The following ADGRB3 variants were observed in gnomAD, a reference collection of about 807,000 sequenced individuals.
ADGRB3 encodes the protein adhesion G protein-coupled receptor B3, also known as brain-specific angiogenesis inhibitor 3.
In ADGRB3, 37 loss-of-function variants were observed where a neutral mutation model predicts 193.4. The observed-to-expected ratio is 0.19, with a 90% CI of 0.15 to 0.25. ADGRB3 has a LOEUF of 0.25. ADGRB3 is among the 10% of genes least tolerant of loss of function. The pLI, the probability that ADGRB3 is intolerant of heterozygous loss-of-function variation, is 1.00. For missense variants in ADGRB3, 1,637 were observed against 1,852.9 expected, an observed-to-expected ratio of 0.88 and a Z score of 2.14; for synonymous variants, 690 against 644.2, an observed-to-expected ratio of 1.07 and a Z score of -1.08.
chr6:68,688,432 A>G (rs992153593), intron 3 of ADGRB3, among the ~76,000 whole-genome samples: 1 of 152,160 alleles, frequency 6.6e-6, no homozygotes, highest in Non-Finnish European at 1.5e-5. Context: ...AACTTAGTTG[A>G]GTTGAATACT....
chr6:68,949,582 A>G (rs1314495380), intron 6 of ADGRB3, among the ~76,000 whole-genome samples: 5 of 152,136 alleles, frequency 3.3e-5, no homozygotes, highest in Admixed American at 3.3e-4. Flanking sequence ...CAGTGAATGG[A>G]AAGATTCTCA....
intron 3 of ADGRB3, among the ~76,000 whole-genome samples, chr6:68,692,371 A>T (rs1234114987): frequency 6.6e-6 from 1 of 151,926 alleles, no homozygotes; most frequent in South Asian, 2.1e-4. Context: ...TTACAAAAAA[A>T]GTAAAGAATA....
At chr6:69,362,145 C>G (rs1019954133) in intron 29 of ADGRB3, among the ~76,000 whole-genome samples, 2 of 151,824 alleles carry the variant, frequency 1.3e-5, no homozygotes, top group Non-Finnish European at 2.9e-5. Context: ...TCTGAGCATA[C>G]TAACAGGATT....
At chr6:68,813,393 C>A (rs536032651) in intron 3 of ADGRB3, among the ~76,000 whole-genome samples, 2 of 152,200 alleles carry the variant, frequency 1.3e-5, no homozygotes, top group South Asian at 4.2e-4. Context: ...ACTCACTGGG[C>A]TACATTGGGC....
intron 3 of ADGRB3, among the ~76,000 whole-genome samples, chr6:68,868,995 G>A (rs1765387017): frequency 6.6e-6 from 1 of 150,596 alleles, no homozygotes; most frequent in Admixed American, 6.6e-5. Context: ...AAAATTCTGT[G>A]CTTTTGTTTT....
At chr6:68,920,469 G>A (rs1390254732) in intron 3 of ADGRB3, among the ~76,000 whole-genome samples, 1 of 132,946 alleles carries the variant, frequency 7.5e-6, no homozygotes, top group Non-Finnish European at 1.5e-5. Context: ...AGTGAGCCGA[G>A]ATCCGCCATT....
chr6:68,668,598 G>C (rs1364826066), intron 3 of ADGRB3, among the ~76,000 whole-genome samples: 2 of 151,840 alleles, frequency 1.3e-5, no homozygotes, highest in Admixed American at 1.3e-4. Context: ...TAATTAACTT[G>C]TATGCCAAGA....
At chr6:69,251,609 G>T (rs1766622723) in intron 20 of ADGRB3, among the ~76,000 whole-genome samples, 1 of 152,102 alleles carries the variant, frequency 6.6e-6, no homozygotes, top group Non-Finnish European at 1.5e-5. Context: ...ACCTAGGACA[G>T]TATCTGGCAC....
At chr6:69,086,550 T>C (rs1334101826) in intron 17 of ADGRB3, among the ~76,000 whole-genome samples, 1 of 152,182 alleles carries the variant, frequency 6.6e-6, no homozygotes, top group East Asian at 1.9e-4. Context: ...TTATGTTTAC[T>C]AGGTTTTATG....
chr6:69,074,101 T>C lies in ADGRB3; in HGVS notation c.2437-1894T>C, dbSNP rs182838355. 1.1e-4 allele frequency among the ~76,000 whole-genome samples: 17 copies of C among 152,074 alleles called. No homozygotes were observed. In the East Asian group the frequency reaches 2.9e-3, roughly 26 times the overall value. On this transcript the variant is annotated intron_variant, in intron 16 of 31. Transcript: ENST00000370598. ...AAGAAAAAGATCATTTTTTACTAAA[T>C]AAATTTTAAAGGAAGAATGGGAAAC...
chr6:69,048,217 G>A lies in ADGRB3; in HGVS notation c.2140G>A (p.Val714Ile), dbSNP rs910190011. Residue 714 changes from valine (V) to isoleucine (I), a missense_variant, in exon 14 of 32, where the codon GTT (valine) becomes ATT (isoleucine). Physicochemically the swap from Val to Ile is conservative, Grantham distance 29. Coordinates refer to ENST00000370598, the MANE Select transcript of ADGRB3 (RefSeq NM_001704.3). ...TATTCAGAAGCTTCCTGCAGCCTCTGTTCTAACAGACATCAACTTTCCAAT... is the reference window on the plus strand; with the variant it reads ...TATTCAGAAGCTTCCTGCAGCCTCTATTCTAACAGACATCAACTTTCCAAT... ...ASIQKLPAAS[V>I]LTDINFPMKG... 22 of 1,613,390 alleles carry A rather than the reference G, an allele frequency of 1.4e-5. No homozygotes were observed. The highest frequency in any genetic ancestry group is 1.9e-5 in the Non-Finnish European group (22 of 1,179,688).
At chr6:69,233,955 T>A (rs552036901) in intron 18 of ADGRB3, among the ~76,000 whole-genome samples, 1 of 152,266 alleles carries the variant, frequency 6.6e-6, no homozygotes, top group South Asian at 2.1e-4. Context: ...TCCTTAATAG[T>A]ATATAGTTTT....
At chr6:68,884,792 A>C (rs1310560031) in intron 3 of ADGRB3, among the ~76,000 whole-genome samples, 1 of 152,182 alleles carries the variant, frequency 6.6e-6, no homozygotes, top group Non-Finnish European at 1.5e-5. Context: ...TTTTGTAAAA[A>C]TTTGGCCTTT....
chr6:69,340,260 A>G (rs1236301099), intron 26 of ADGRB3, among the ~76,000 whole-genome samples: 4 of 152,172 alleles, frequency 2.6e-5, no homozygotes, highest in African/African-American at 7.2e-5. Flanking sequence ...GAGATTTCAG[A>G]CTTGAGTTGT....
intron 3 of ADGRB3, among the ~76,000 whole-genome samples, chr6:68,841,341 A>G (rs571120597): frequency 1.2e-4 from 18 of 152,330 alleles, no homozygotes; most frequent in Non-Finnish European, 2.1e-4. Flanking sequence ...AGGATAGACT[A>G]TATGTTAAGC....
chr6:69,320,582 C>G (rs1165537784), intron 20 of ADGRB3, among the ~76,000 whole-genome samples: 2 of 151,590 alleles, frequency 1.3e-5, no homozygotes, highest in Non-Finnish European at 3.0e-5. Flanking sequence ...TTATGCCTCT[C>G]TCTTGAACAG....
chr6:69,186,293 T>C (rs1047898996), intron 17 of ADGRB3, among the ~76,000 whole-genome samples: 1 of 152,126 alleles, frequency 6.6e-6, no homozygotes, highest in Admixed American at 6.6e-5. Flanking sequence ...ATGGTGCTCC[T>C]TATTTTAAGA....
chr6:68,818,288 G>A (rs74720945), intron 3 of ADGRB3, among the ~76,000 whole-genome samples: 2,259 of 152,032 alleles, frequency 0.015, 63 homozygotes, highest in African/African-American at 0.049. Context: ...CACTTTTAAC[G>A]TCACTATACT....
At position 68,813,276 on chromosome 6, in the gene ADGRB3, C is replaced by A. The variant is rs527540218; in HGVS notation, c.758-117283C>A. ...GTGAGGCCTCCCCAGCCATTTGGAA[C>A]TGTAAGTCAAATTAAACCTCCTTTG... is the stretch of plus-strand genomic sequence containing the variant. On this transcript the variant is annotated intron_variant, in intron 3 of 31. Transcript: ENST00000370598. 3.9e-5 allele frequency among the ~76,000 whole-genome samples: 6 copies of A among 152,292 alleles called. No homozygotes were observed. In the South Asian group the frequency reaches 1.0e-3, roughly 26 times the overall value.
Sources: allele counts gnomAD v4.1 joint callset (sites outside exome capture counted in the v4.1 genomes callset), GRCh38; gene constraint gnomAD v4.1.1; transcripts MANE v1.5; gene names NCBI Gene and HGNC (gene_info 2026-07-23, HGNC 2026-07-21).